The following RHOBTB1 variants were observed in gnomAD, a reference collection of about 807,000 sequenced individuals.
The protein encoded by RHOBTB1 is rho-related BTB domain-containing protein 1.
In RHOBTB1, 40 loss-of-function variants were observed where a neutral mutation model predicts 71.6. The observed-to-expected ratio is 0.56, with a 90% CI of 0.43 to 0.73. RHOBTB1 has a LOEUF of 0.73. RHOBTB1 is among the 30% of genes least tolerant of loss of function. The pLI, the probability that RHOBTB1 is intolerant of heterozygous loss-of-function variation, is 0.00. For missense variants in RHOBTB1, 797 were observed against 894.0 expected (o/e 0.89, Z 1.38); for synonymous variants, 319 against 334.9 (o/e 0.95, Z 0.52).
Position 60,871,340 on chromosome 10 carries a change from T to C in RHOBTB1, c.*142A>G. On this transcript the variant is annotated 3_prime_UTR_variant, in exon 11 of 11. Coordinates refer to ENST00000337910, the MANE Select transcript of RHOBTB1 (RefSeq NM_014836.5). The stretch of plus-strand genomic sequence containing the variant: ...GTGCTTTGATCCTAACAAAGATAAA[T>C]GCACAAAAGTGGAGGAAGATCAGTG... The C allele has an allele frequency of 2.7e-6, 2 of 749,624 alleles. No homozygotes were observed. The highest frequency in any genetic ancestry group is 4.1e-5 in the South Asian group (2 of 48,926). 46.4% of individuals were successfully genotyped at this position (749,624 alleles called of 1,614,324 possible). A position where few individuals can be genotyped will look rare whatever the true frequency, so the allele number is the denominator to read the frequency against.
intron 2 of RHOBTB1, among the ~76,000 whole-genome samples, chr10:60,923,154 T>C (rs1462749252): frequency 6.6e-6 from 1 of 152,186 alleles, no homozygotes; most frequent in Admixed American, 6.5e-5. Flanking sequence ...TGTGTATGGA[T>C]AGTGTAAACA....
At chr10:60,882,004 C>G (rs563618239) in intron 7 of RHOBTB1, among the ~76,000 whole-genome samples, 4 of 152,062 alleles carry the variant, frequency 2.6e-5, no homozygotes, top group Admixed American at 6.6e-5. Context: ...ACTAAGAACA[C>G]TTTTGGAACA....
chr10:60,871,703 T>G, intron 10 of RHOBTB1, 52 bp from the exon 11 acceptor site: 5 of 1,544,144 alleles, frequency 3.2e-6, no homozygotes, highest in Non-Finnish European at 4.4e-6. Context: ...TGATGCCTTT[T>G]ATGTGCTAGG....
upstream of RHOBTB1, among the ~76,000 whole-genome samples, chr10:60,946,526 C>T (rs1463544229): frequency 1.3e-5 from 2 of 152,188 alleles, no homozygotes; most frequent in East Asian, 1.9e-4. Flanking sequence ...ATTTTACAGA[C>T]GAGGTAACAG....
intron 1 of RHOBTB1, among the ~76,000 whole-genome samples, chr10:60,998,097 G>A (rs1222343332): frequency 6.6e-6 from 1 of 152,124 alleles, no homozygotes; most frequent in African/African-American, 2.4e-5. Context: ...ATATGGGGTT[G>A]TACTAGGTGC....
rs2080742719 is a variant in RHOBTB1 at position 60,870,789 on chromosome 10, C to T, written c.*693G>A. The stretch of plus-strand genomic sequence containing the variant: ...TCCTCTTGAAACTAGACATTGGAAA[C>T]AACAGAATATTTGATATCACTATAT... On this transcript the variant is annotated 3_prime_UTR_variant, in exon 11 of 11. Transcript: ENST00000337910. 1 of 152,590 alleles carries T rather than the reference C, an allele frequency of 6.6e-6. No homozygotes were observed. Among genetic ancestry groups the T allele is most frequent in the African/African-American group, 2.4e-5 (1 of 41,426 alleles). The allele number at this position is 152,590 out of a possible 1,614,324, so 9.5% of individuals were successfully genotyped here.
In RHOBTB1 at chr10:60,876,654, G is replaced by A. The variant is rs766363001; in HGVS notation, c.1726+1254C>T. On this transcript the variant is annotated intron_variant, in intron 8 of 10. Transcript: ENST00000337910. ...TGCCCATGGAAGCCTCCCAGAGTGA[G>A]TATTTTAAAAAACTAGTGCACTCAT... Among the ~76,000 whole-genome samples, 96 of 152,156 alleles carry A rather than the reference G, an allele frequency of 6.3e-4. 3 individuals carry two copies. The highest frequency in any genetic ancestry group is 5.9e-5 in the Non-Finnish European group (4 of 68,024).
intron 1 of RHOBTB1, among the ~76,000 whole-genome samples, chr10:60,990,146 A>C (rs10994598): frequency 0.55 from 82,925 of 151,510 alleles, 22,995 homozygotes; most frequent in East Asian, 0.77. Context: ...CCACGCCTGG[A>C]TAATTTTTTG....
At chr10:60,947,550 C>G (rs7914393), upstream of RHOBTB1, among the ~76,000 whole-genome samples, 80,125 of 151,886 alleles carry the variant, frequency 0.53, 21,401 homozygotes, top group East Asian at 0.77. Flanking sequence ...TTATATTAAT[C>G]GGAACATAAG....
At chr10:60,957,745 C>T (rs1294666136) in intron 2 of RHOBTB1, among the ~76,000 whole-genome samples, 1 of 152,088 alleles carries the variant, frequency 6.6e-6, no homozygotes, top group Non-Finnish European at 1.5e-5. Context: ...CATAACTTGT[C>T]CAATGGTAAT....
At chr10:60,914,003 A>G (rs147725521) in intron 2 of RHOBTB1, among the ~76,000 whole-genome samples, 2 of 152,320 alleles carry the variant, frequency 1.3e-5, no homozygotes, top group African/African-American at 2.4e-5. Context: ...ATGTCTTCAG[A>G]TGACAACAAA....
chr10:60,906,408 T>C (rs114594329), intron 4 of RHOBTB1, among the ~76,000 whole-genome samples: 2,484 of 152,356 alleles, frequency 0.016, 31 homozygotes, highest in African/African-American at 0.037. Flanking sequence ...CTTCAGGGTC[T>C]ACACAGTACT....
chr10:60,875,067 G>A (rs752350551), intron 8 of RHOBTB1, 25 bp from the exon 9 acceptor site: 12 of 1,595,570 alleles, frequency 7.5e-6, no homozygotes, highest in Non-Finnish European at 7.7e-6. Context: ...GGGGGCAGGA[G>A]AACATTAAAC....
chr10:60,861,819 C>T, the RHOBTB1 span, among the ~76,000 whole-genome samples: 1 of 152,198 alleles, frequency 6.6e-6, no homozygotes, highest in Non-Finnish European at 1.5e-5. Flanking sequence ...CAAATGTTTA[C>T]TCTCCCTCCA....
intron 7 of RHOBTB1, among the ~76,000 whole-genome samples, chr10:60,878,397 T>C (rs548193571): frequency 6.6e-6 from 1 of 152,052 alleles, no homozygotes; most frequent in Non-Finnish European, 1.5e-5. Flanking sequence ...GGGAAAGAAA[T>C]CTCCTAGCAA....
chr10:60,954,751 A>G (rs2085527622), intron 2 of RHOBTB1, among the ~76,000 whole-genome samples: 1 of 152,228 alleles, frequency 6.6e-6, no homozygotes. Context: ...TGAATTTAAT[A>G]AATAAAAGGA....
intron 1 of RHOBTB1, among the ~76,000 whole-genome samples, chr10:60,999,310 A>G (rs1387140122): frequency 1.3e-5 from 2 of 152,248 alleles, no homozygotes; most frequent in East Asian, 3.8e-4. Flanking sequence ...CCCCAACTTC[A>G]TTAAGGTCAC....
chr10:60,933,460 G>A (rs2084376521), intron 2 of RHOBTB1, among the ~76,000 whole-genome samples: 1 of 152,168 alleles, frequency 6.6e-6, no homozygotes, highest in South Asian at 2.1e-4. Flanking sequence ...GGTGGCTCAC[G>A]CCTGTAATCC....
chr10:60,925,407 C>T (rs895504653), intron 2 of RHOBTB1, among the ~76,000 whole-genome samples: 1 of 151,920 alleles, frequency 6.6e-6, no homozygotes, highest in African/African-American at 2.4e-5. Flanking sequence ...CACAACATTC[C>T]AAAACCTATG....
Sources: gnomAD v4.1 joint callset for allele counts (sites outside exome capture counted in the v4.1 genomes callset) on GRCh38, gnomAD v4.1.1 for gene constraint, MANE v1.5 for transcripts, NCBI Gene and HGNC (gene_info 2026-07-23, HGNC 2026-07-21) for gene names.